The following PACRG variants were observed in gnomAD, a reference collection of about 807,000 sequenced individuals.
PACRG encodes the protein parkin coregulated, also known as parkin coregulated gene protein.
In PACRG, 29 loss-of-function variants were observed where a neutral mutation model predicts 29.7. That is an observed-to-expected ratio of 0.98 (90% CI 0.73 to 1.33). The LOEUF (loss-of-function observed/expected upper bound fraction) is 1.33. Among genes scored for constraint, PACRG ranks in the 40% most tolerant of loss-of-function variants. The probability of loss-of-function intolerance (pLI) is 0.00; values close to 1 mark genes in which losing one functional copy is unlikely to be tolerated. For synonymous variants in PACRG, 116 were observed against 118.7 expected, an observed-to-expected ratio of 0.98 and a Z score of 0.15; for missense variants, 279 against 316.2, an observed-to-expected ratio of 0.88 and a Z score of 0.89.
At chr6:162,944,775 A>G (rs1798879729) in intron 2 of PACRG, among the ~76,000 whole-genome samples, 1 of 152,108 alleles carries the variant, frequency 6.6e-6, no homozygotes, top group Non-Finnish European at 1.5e-5. Context: ...ACCCAGTCAG[A>G]CAAAAAAAAG....
intron 2 of PACRG, among the ~76,000 whole-genome samples, chr6:162,908,571 C>T (rs932660565): frequency 6.6e-6 from 1 of 152,232 alleles, no homozygotes; most frequent in Non-Finnish European, 1.5e-5. Flanking sequence ...TCAGTAGAGA[C>T]AGGCCATTCC....
At chr6:162,760,118 G>A (rs546561725) in intron 1 of PACRG, among the ~76,000 whole-genome samples, 2 of 152,258 alleles carry the variant, frequency 1.3e-5, no homozygotes, top group Admixed American at 6.5e-5. Flanking sequence ...GCAGTCAGTC[G>A]TCGGCTACTG....
chr6:163,137,223 G>A (rs1246170789), intron 4 of PACRG, among the ~76,000 whole-genome samples: 2 of 152,092 alleles, frequency 1.3e-5, no homozygotes, highest in Non-Finnish European at 2.9e-5. Context: ...TCATTCGTAA[G>A]TCTCCCCATT....
At chr6:162,957,277 A>G in intron 2 of PACRG, 1 of 539,638 alleles carries the variant, frequency 1.9e-6, no homozygotes, top group Non-Finnish European at 3.5e-6. Flanking sequence ...TTTCACAATG[A>G]TTTTCTGCTC....
intron 1 of PACRG, among the ~76,000 whole-genome samples, chr6:162,812,421 G>A (rs551621989): frequency 2.0e-5 from 3 of 152,040 alleles, no homozygotes; most frequent in South Asian, 4.2e-4. Flanking sequence ...TGGCACTATT[G>A]CACATAATTT....
intron 4 of PACRG, among the ~76,000 whole-genome samples, chr6:163,256,805 C>G (rs1316465946): frequency 6.6e-6 from 1 of 152,108 alleles, no homozygotes; most frequent in African/African-American, 2.4e-5. Flanking sequence ...AACTAATGAC[C>G]GCAACTTGGT....
In PACRG at chr6:162,801,091, G is replaced by T. The variant is rs568741408; in HGVS notation, c.157-13056G>T. ...GAAAAACCAGCTGTAGTACCAAACT[G>T]TGCTAAATCTTTTAGCTGAAATATT... On this transcript the variant is annotated intron_variant, in intron 1 of 4. Coordinates refer to ENST00000366888, the MANE Select transcript of PACRG (RefSeq NM_001080379.2). 1.4e-4 allele frequency among the ~76,000 whole-genome samples: 22 copies of T among 152,286 alleles called. No individual in the cohort carries two copies. The East Asian group carries it at 4.1e-3, about 28-fold the overall frequency.
Position 162,932,702 on chromosome 6 carries a change from A to G in PACRG, c.291+118421A>G, listed in dbSNP as rs565485406. On this transcript the variant is annotated intron_variant, in intron 2 of 4. Coordinates refer to ENST00000366888, the MANE Select transcript of PACRG (RefSeq NM_001080379.2). ...TTTATAATAATCTCTAATTATTTGT[A>G]TGTCTCTGATCATATTTGTTAAGTG... is the stretch of plus-strand genomic sequence containing the variant. 4.6e-5 allele frequency among the ~76,000 whole-genome samples: 7 copies of G among 151,914 alleles called. No individual in the cohort carries two copies. The South Asian group carries it at 1.0e-3, about 22-fold the overall frequency.
intron 1 of PACRG, among the ~76,000 whole-genome samples, chr6:162,791,523 G>T (rs1024975233): frequency 6.6e-6 from 1 of 152,052 alleles, no homozygotes; most frequent in African/African-American, 2.4e-5. Context: ...AGTGAAAACT[G>T]CAGGAGAGTA....
Position 163,015,638 on chromosome 6 carries a change from T to C in PACRG, c.292-46512T>C, listed in dbSNP as rs1032023023. ...GTAAATGGGATTGTGTTCTTCATTT[T>C]GCTCTGTTTGAATGTTATTGGTGTA... is the stretch of plus-strand genomic sequence containing the variant. On this transcript the variant is annotated intron_variant, in intron 2 of 4. Coordinates refer to ENST00000366888, the MANE Select transcript of PACRG (RefSeq NM_001080379.2). Among the ~76,000 whole-genome samples the C allele has an allele frequency of 5.3e-5, 8 of 152,288 alleles. No individual in the cohort carries two copies. The East Asian group carries it at 1.5e-3, about 29-fold the overall frequency.
chr6:162,874,529 C>T (rs762992618), intron 2 of PACRG, among the ~76,000 whole-genome samples: 3 of 152,128 alleles, frequency 2.0e-5, no homozygotes, highest in East Asian at 1.9e-4. Context: ...GCTTCAAAGC[C>T]AGATCTCCTG....
intron 2 of PACRG, among the ~76,000 whole-genome samples, chr6:163,008,655 C>T (rs1431211618): frequency 2.7e-5 from 4 of 147,936 alleles, no homozygotes; most frequent in East Asian, 3.9e-4. Context: ...ACTTTATTCT[C>T]GCCATCCGAG....
At chr6:162,967,312 C>G (rs1562788133) in intron 2 of PACRG, among the ~76,000 whole-genome samples, 1 of 151,596 alleles carries the variant, frequency 6.6e-6, no homozygotes, top group African/African-American at 2.4e-5. Flanking sequence ...TTTCTGAATT[C>G]TTACACTTTT....
chr6:162,761,965 C>CAA (rs889734861), intron 1 of PACRG, among the ~76,000 whole-genome samples: 2 of 136,082 alleles, frequency 1.5e-5, no homozygotes, highest in East Asian at 2.3e-4. Flanking sequence ...AACCCCCCCC[C>CAA]AAAAAAAAAC....
chr6:162,939,877 T>C lies in PACRG; in HGVS notation c.292-122273T>C, dbSNP rs533612446. ...TTATTTAGCGCCTGCTGTCAGTCTT[T>C]TTCTTAAATTAAGAACCATACAGTA... is the stretch of plus-strand genomic sequence containing the variant. On this transcript the variant is annotated intron_variant, in intron 2 of 4. Coordinates refer to ENST00000366888, the MANE Select transcript of PACRG (RefSeq NM_001080379.2). Among the ~76,000 whole-genome samples the C allele has an allele frequency of 2.6e-4, 39 of 152,342 alleles. No homozygotes were observed. The South Asian group carries it at 7.9e-3, about 31-fold the overall frequency.
intron 4 of PACRG, among the ~76,000 whole-genome samples, chr6:163,215,667 G>A (rs1781332954): frequency 6.6e-6 from 1 of 152,160 alleles, no homozygotes; most frequent in Non-Finnish European, 1.5e-5. Flanking sequence ...ATGCATGACT[G>A]TGGTGGTTAA....
At chr6:163,257,046 C>T (rs1171160198) in intron 4 of PACRG, among the ~76,000 whole-genome samples, 1 of 152,132 alleles carries the variant, frequency 6.6e-6, no homozygotes, top group Non-Finnish European at 1.5e-5. Context: ...GTCTCGGCGT[C>T]TCTGCCTATC....
intron 2 of PACRG, among the ~76,000 whole-genome samples, chr6:162,874,856 C>G (rs1793160652): frequency 6.6e-6 from 1 of 151,914 alleles, no homozygotes; most frequent in African/African-American, 2.4e-5. Context: ...ACATCATTCA[C>G]ACAGATTCTC....
At chr6:163,312,087 CTA>C (rs1241151132) in intron 4 of PACRG, among the ~76,000 whole-genome samples, 1 of 152,232 alleles carries the variant, frequency 6.6e-6, no homozygotes, top group Non-Finnish European at 1.5e-5. Flanking sequence ...TCATCATCAA[CTA>C]TCTTTTCCGT....
Sources: gnomAD v4.1 joint callset for allele counts (sites outside exome capture counted in the v4.1 genomes callset) on GRCh38, gnomAD v4.1.1 for gene constraint, MANE v1.5 for transcripts, NCBI Gene and HGNC (gene_info 2026-07-23, HGNC 2026-07-21) for gene names.